Variants in PXDNL observed in about 807,000 individuals in gnomAD.
PXDNL encodes the protein peroxidasin like.
Under a neutral mutation model 150.8 loss-of-function variants are expected in PXDNL, and 145 were observed. The ratio of observed to expected loss-of-function variants is 0.96; its 90% CI spans 0.84 to 1.10. PXDNL has a LOEUF of 1.10. PXDNL is among the 50% of genes least tolerant of loss of function. The probability of loss-of-function intolerance (pLI) is 0.00; values close to 1 mark genes in which losing one functional copy is unlikely to be tolerated. For missense variants in PXDNL, 2,087 were observed against 1,873.9 expected, an observed-to-expected ratio of 1.11 and a Z score of -2.10; for synonymous variants, 757 against 725.7, an observed-to-expected ratio of 1.04 and a Z score of -0.69.
At chr8:51,461,336 C>A (rs563250111) in intron 8 of PXDNL, among the ~76,000 whole-genome samples, 11 of 152,348 alleles carry the variant, frequency 7.2e-5, no homozygotes, top group Admixed American at 2.0e-4. Context: ...TGTGACCTTT[C>A]TGCTAGCCAC....
rs1813604414 is a variant in PXDNL, at chr8:51,597,710, A to AT, written c.237-5013dup. On this transcript the variant is annotated intron_variant, in intron 2 of 22. Transcript: ENST00000356297. ...ATGTGTCTACTGTAAATAGGATTGC[A>AT]TTTTTTTTCTTTTTTTTTTTTGAGA... Among the ~76,000 whole-genome samples the AT allele has an allele frequency of 3.7e-5, 5 of 136,172 alleles. No individual in the cohort carries two copies. The East Asian group carries it at 6.3e-4, about 17-fold the overall frequency. The allele number at this position is 136,172 out of a possible 152,430, so 89.3% of individuals were successfully genotyped here.
chr8:51,511,472 G>C (rs140210453), intron 4 of PXDNL, among the ~76,000 whole-genome samples: 217 of 152,298 alleles, frequency 1.4e-3, no homozygotes, highest in African/African-American at 5.0e-3. Flanking sequence ...TGAAACACTG[G>C]AATGGACAAC....
intron 4 of PXDNL, among the ~76,000 whole-genome samples, chr8:51,547,782 C>T (rs1001766709): frequency 2.0e-5 from 3 of 152,100 alleles, no homozygotes; most frequent in African/African-American, 4.8e-5. Flanking sequence ...GACAAAACAC[C>T]GTTCTACAAC....
At chr8:51,342,806 G>A (rs553087496) in intron 20 of PXDNL, among the ~76,000 whole-genome samples, 1 of 149,202 alleles carries the variant, frequency 6.7e-6, no homozygotes, top group Admixed American at 6.8e-5. Context: ...GAATACTGCA[G>A]CTTAGAAAGT....
chr8:51,460,690 C>T (rs569724439), intron 8 of PXDNL, among the ~76,000 whole-genome samples: 2 of 151,894 alleles, frequency 1.3e-5, no homozygotes, highest in Admixed American at 6.6e-5. Context: ...ACCACACCCC[C>T]ACAATGGACC....
intron 1 of PXDNL, among the ~76,000 whole-genome samples, chr8:51,696,724 T>TA (rs1335166854): frequency 1.7e-3 from 6 of 3,562 alleles, no homozygotes; most frequent in African/African-American, 2.5e-3. Context: ...TTCACACACA[T>TA]CCACACACAG....
At chr8:51,330,409 T>A (rs749047621) in intron 21 of PXDNL, among the ~76,000 whole-genome samples, 1 of 152,206 alleles carries the variant, frequency 6.6e-6, no homozygotes, top group Non-Finnish European at 1.5e-5. Flanking sequence ...AATGTGGCTA[T>A]TCAGCATCCC....
rs182101413 is a variant in PXDNL at position 51,383,702 on chromosome 8, A to T, written c.3558-8971T>A. ...AGAGTAAACAGTCTAGCTATATTTT[A>T]AAAAAAGTGGTGCTTTTGTCGGTAT... On this transcript the variant is annotated intron_variant, in intron 17 of 22. Coordinates refer to ENST00000356297, the MANE Select transcript of PXDNL (RefSeq NM_144651.5). 5.0e-3 allele frequency among the ~76,000 whole-genome samples: 760 copies of T among 152,276 alleles called. 6 individuals carry two copies. The highest frequency in any genetic ancestry group is 0.017 in the African/African-American group (726 of 41,566).
intron 3 of PXDNL, among the ~76,000 whole-genome samples, chr8:51,565,317 A>ATAGATAGATAGATAG (rs1563466564): frequency 3.6e-5 from 4 of 110,300 alleles, no homozygotes; most frequent in African/African-American, 2.0e-4. Context: ...TAAATAAATA[A>ATAGATAGATAGATAG]ATAAATAGAT....
chr8:51,602,125 T>C (rs1359172554), intron 2 of PXDNL, among the ~76,000 whole-genome samples: 1 of 151,948 alleles, frequency 6.6e-6, no homozygotes, highest in Non-Finnish European at 1.5e-5. Flanking sequence ...TTCTTGAGCA[T>C]TGATTTTGGA....
chr8:51,336,046 T>C (rs1805823507), intron 21 of PXDNL, among the ~76,000 whole-genome samples: 2 of 152,176 alleles, frequency 1.3e-5, no homozygotes, highest in African/African-American at 4.8e-5. Flanking sequence ...AGACCATAAA[T>C]GTAATGTCAC....
intron 4 of PXDNL, among the ~76,000 whole-genome samples, chr8:51,516,523 G>A (rs145926701): frequency 1.3e-5 from 2 of 152,232 alleles, no homozygotes; most frequent in East Asian, 3.9e-4. Context: ...AAGTAATTAG[G>A]GTTTGTTGAT....
chr8:51,800,233 G>C (rs1182429585), intron 1 of PXDNL, among the ~76,000 whole-genome samples: 1 of 152,010 alleles, frequency 6.6e-6, no homozygotes, highest in Admixed American at 6.6e-5. Context: ...GCTCATTCCT[G>C]CATGCAACAT....
At chr8:51,711,570 A>T (rs1816499302) in intron 1 of PXDNL, among the ~76,000 whole-genome samples, 1 of 152,252 alleles carries the variant, frequency 6.6e-6, no homozygotes, top group Admixed American at 6.5e-5. Context: ...AGAATTATGA[A>T]AAAGAAATAA....
chr8:51,562,704 TAG>T (rs1168372904), intron 3 of PXDNL, among the ~76,000 whole-genome samples: 1 of 151,984 alleles, frequency 6.6e-6, no homozygotes, highest in Non-Finnish European at 1.5e-5. Context: ...GGTGTGAGAA[TAG>T]AGTCTGTACC....
At chr8:51,443,061 A>G (rs1467259385) in intron 12 of PXDNL, among the ~76,000 whole-genome samples, 1 of 152,184 alleles carries the variant, frequency 6.6e-6, no homozygotes, top group Non-Finnish European at 1.5e-5. Flanking sequence ...CCAGAGAGTC[A>G]TAATTTGAGT....
In PXDNL at chr8:51,338,009, T is replaced by A. The variant is rs1044824971; in HGVS notation, c.4146+1615A>T. Reference sequence around the variant, plus strand: ...GCCTGGCCAACATGGCAAAACCCCATCTCTACTAAAAATACAAAAATTACT... The same window carrying A: ...GCCTGGCCAACATGGCAAAACCCCAACTCTACTAAAAATACAAAAATTACT... On this transcript the variant is annotated intron_variant, in intron 21 of 22. Transcript: ENST00000356297. Among the ~76,000 whole-genome samples, 12 of 151,418 alleles carry A rather than the reference T, an allele frequency of 7.9e-5. 1 individual carries two copies. The highest frequency in any genetic ancestry group is 2.9e-4 in the African/African-American group (12 of 41,162).
At chr8:51,567,594 C>A (rs1022236088) in intron 3 of PXDNL, among the ~76,000 whole-genome samples, 12 of 151,680 alleles carry the variant, frequency 7.9e-5, no homozygotes. Context: ...TTCTAGTTTT[C>A]TTTTCATTTG....
intron 17 of PXDNL, among the ~76,000 whole-genome samples, chr8:51,394,446 A>G (rs927137901): frequency 1.4e-4 from 21 of 152,198 alleles, no homozygotes; most frequent in Non-Finnish European, 2.9e-5. Context: ...ATCATTCCTA[A>G]GTCCTGAGAC....
Sources: allele counts gnomAD v4.1 joint callset (sites outside exome capture counted in the v4.1 genomes callset), GRCh38; gene constraint gnomAD v4.1.1; transcripts MANE v1.5; gene names NCBI Gene and HGNC (gene_info 2026-07-23, HGNC 2026-07-21).